The following CNTN5 variants were observed in gnomAD, a reference collection of about 807,000 sequenced individuals.
CNTN5 encodes the protein contactin-5.
A neutral mutation model predicts 129.1 loss-of-function variants in CNTN5; 77 were observed. The ratio of observed to expected loss-of-function variants is 0.60; its 90% CI spans 0.50 to 0.72. CNTN5 has a LOEUF of 0.72. Among genes scored for constraint, CNTN5 ranks in the 30% least tolerant of loss-of-function variants. CNTN5 has a pLI of 0.00. For missense variants in CNTN5, 1,478 were observed against 1,328.8 expected, an observed-to-expected ratio of 1.11 and a Z score of -1.75; for synonymous variants, 509 against 465.6, an observed-to-expected ratio of 1.09 and a Z score of -1.20.
At chr11:99,888,005 C>T (rs1948944004) in intron 6 of CNTN5, among the ~76,000 whole-genome samples, 1 of 152,188 alleles carries the variant, frequency 6.6e-6, no homozygotes, top group Non-Finnish European at 1.5e-5. Flanking sequence ...TCAGTATTAA[C>T]CATCACACCT....
At position 99,844,801 on chromosome 11, in the gene CNTN5, A is replaced by T. The variant is rs200833769; in HGVS notation, c.278-51A>T. The T allele has an allele frequency of 2.9e-5, 45 of 1,547,876 alleles. No individual in the cohort carries two copies. The African/African-American group carries it at 5.5e-4, about 19-fold the overall frequency. On this transcript the variant is annotated intron_variant, in intron 4 of 24. Transcript: ENST00000524871. ...AAGATGGAAAAGAAAAAAACACAAA[A>T]TATCTTGCTAGTTTAAGGAAATTTA... is the stretch of plus-strand genomic sequence containing the variant.
At chr11:100,145,974 A>G (rs1946840364) in intron 13 of CNTN5, among the ~76,000 whole-genome samples, 1 of 152,214 alleles carries the variant, frequency 6.6e-6, no homozygotes, top group Non-Finnish European at 1.5e-5. Context: ...ACCATGGAAT[A>G]GAGAAGTTTT....
At chr11:99,133,019 C>A (rs1009423483) in intron 1 of CNTN5, among the ~76,000 whole-genome samples, 4 of 152,124 alleles carry the variant, frequency 2.6e-5, no homozygotes, top group African/African-American at 7.2e-5. Flanking sequence ...TACAAGGCTG[C>A]AGTAACCAGA....
At chr11:100,323,318 A>G (rs546749631) in intron 21 of CNTN5, among the ~76,000 whole-genome samples, 2 of 152,252 alleles carry the variant, frequency 1.3e-5, no homozygotes, top group Admixed American at 1.3e-4. Context: ...TGTGTTTTCA[A>G]CGGCTCTTTC....
rs773040525 is a variant in CNTN5, at chr11:100,299,297, G to A, written c.2521G>A (p.Val841Ile). 2 of 1,610,678 alleles carry A rather than the reference G, an allele frequency of 1.2e-6. No homozygotes were observed. The highest frequency in any genetic ancestry group is 1.7e-6 in the Non-Finnish European group (2 of 1,177,744). Reference sequence around the variant, plus strand: ...CAAATTCATTTATCGAGATGAAAGTGTCCCTCCTCTTACTCCCTTTGAAGT... The same window carrying A: ...CAAATTCATTTATCGAGATGAAAGTATCCCTCCTCTTACTCCCTTTGAAGT... ...ASKFIYRDES[V>I]PPLTPFEVKV... Residue 841 changes from valine to isoleucine, a missense_variant, in exon 20 of 25, where the codon GTC becomes ATC. Val to Ile is a conservative substitution (Grantham distance 29). Transcript: ENST00000524871.
chr11:99,665,853 T>C (rs1039864428), intron 3 of CNTN5, among the ~76,000 whole-genome samples: 3 of 152,150 alleles, frequency 2.0e-5, no homozygotes, highest in Non-Finnish European at 2.9e-5. Context: ...TTTCTTTTTG[T>C]TCTTTAAAAA....
intron 1 of CNTN5, among the ~76,000 whole-genome samples, chr11:99,268,698 A>G (rs192726854): frequency 9.6e-4 from 146 of 152,140 alleles, no homozygotes; most frequent in African/African-American, 3.3e-3. Context: ...TTGAACAAAT[A>G]TGTGCTCAAA....
At chr11:99,327,625 A>C (rs1019370722) in intron 2 of CNTN5, among the ~76,000 whole-genome samples, 2 of 152,318 alleles carry the variant, frequency 1.3e-5, no homozygotes, top group Non-Finnish European at 2.9e-5. Flanking sequence ...TGAGCACTCC[A>C]AAAAGACATA....
chr11:100,034,615 T>G (rs1332474540), intron 9 of CNTN5, among the ~76,000 whole-genome samples: 1 of 152,216 alleles, frequency 6.6e-6, no homozygotes, highest in East Asian at 1.9e-4. Flanking sequence ...GTCACCTGTT[T>G]TCACGAAACA....
chr11:100,150,413 CTTTAA>C lies in CNTN5; in HGVS notation c.1581-40711_1581-40707del, dbSNP rs201016311. On this transcript the variant is annotated intron_variant, in intron 13 of 24. Coordinates refer to ENST00000524871, the MANE Select transcript of CNTN5 (RefSeq NM_014361.4). ...CAATACTAAGATTTCAAATTTTTTT[CTTTAA>C]TGTGTATGGCCATATGTTCAATTTT... 1.4e-3 allele frequency among the ~76,000 whole-genome samples: 205 copies of C among 150,716 alleles called. 5 individuals are homozygous for C. In the East Asian group the frequency reaches 0.034, roughly 25 times the overall value.
intron 1 of CNTN5, among the ~76,000 whole-genome samples, chr11:99,137,418 GCTCT>G (rs1859283469): frequency 6.6e-6 from 1 of 152,020 alleles, no homozygotes; most frequent in Non-Finnish European, 1.5e-5. Flanking sequence ...TTTCTTGATT[GCTCT>G]CTCTTTCATT....
At chr11:99,999,068 G>A (rs2137457094) in intron 8 of CNTN5, among the ~76,000 whole-genome samples, 1 of 152,004 alleles carries the variant, frequency 6.6e-6, no homozygotes, top group South Asian at 2.1e-4. Flanking sequence ...AGAAAACCTA[G>A]GCAATACCAT....
At chr11:99,535,455 TATAGAAAACAAATGG>T (rs1947865770) in intron 2 of CNTN5, among the ~76,000 whole-genome samples, 1 of 152,208 alleles carries the variant, frequency 6.6e-6, no homozygotes, top group South Asian at 2.1e-4. Flanking sequence ...TCTTTGGTGC[TATAGAAAACAAATGG>T]AACCCTCAAA....
chr11:99,480,483 T>G (rs982861098), intron 2 of CNTN5, among the ~76,000 whole-genome samples: 31 of 152,320 alleles, frequency 2.0e-4, no homozygotes, highest in African/African-American at 7.2e-4. Flanking sequence ...AAGGCTTAAA[T>G]GACTAAATAT....
At chr11:99,776,704 C>T (rs938064452) in intron 3 of CNTN5, among the ~76,000 whole-genome samples, 7 of 151,176 alleles carry the variant, frequency 4.6e-5, no homozygotes, top group African/African-American at 9.7e-5. Flanking sequence ...GTGCTCTCTA[C>T]GGGACAGAAG....
intron 13 of CNTN5, among the ~76,000 whole-genome samples, chr11:100,147,125 G>A (rs1946876129): frequency 6.6e-6 from 1 of 152,100 alleles, no homozygotes; most frequent in Non-Finnish European, 1.5e-5. Flanking sequence ...CTGCAACCTG[G>A]TTTCATCTTT....
At chr11:99,712,866 G>C (rs1203239952) in intron 3 of CNTN5, among the ~76,000 whole-genome samples, 5 of 152,074 alleles carry the variant, frequency 3.3e-5, no homozygotes, top group Admixed American at 6.6e-5. Context: ...GTACCGTGCT[G>C]TTTTGGTTAC....
Position 99,322,575 on chromosome 11 carries a change from G to T in CNTN5, c.-209-2771G>T, listed in dbSNP as rs191080207. 4.6e-3 allele frequency among the ~76,000 whole-genome samples: 693 copies of T among 152,110 alleles called. 4 individuals carry two copies. The highest frequency in any genetic ancestry group is 7.3e-3 in the Non-Finnish European group (496 of 68,012). On this transcript the variant is annotated intron_variant, in intron 1 of 24. Coordinates refer to ENST00000524871, the MANE Select transcript of CNTN5 (RefSeq NM_014361.4). ...GATAAAAATTAATTATCAATTTAAG[G>T]TTTAATTACAAGGTTTTATTTCATG... is the stretch of plus-strand genomic sequence containing the variant.
chr11:99,673,427 T>C (rs1454135187), intron 3 of CNTN5, among the ~76,000 whole-genome samples: 1 of 152,158 alleles, frequency 6.6e-6, no homozygotes, highest in African/African-American at 2.4e-5. Flanking sequence ...GAACAGTGTC[T>C]GATATATGGG....
Sources: allele counts gnomAD v4.1 joint callset (sites outside exome capture counted in the v4.1 genomes callset), GRCh38; gene constraint gnomAD v4.1.1; transcripts MANE v1.5; gene names NCBI Gene and HGNC (gene_info 2026-07-23, HGNC 2026-07-21).